The following UBAC2 variants were observed in gnomAD, a reference collection of about 807,000 sequenced individuals.
The protein encoded by UBAC2 is UBA domain containing 2, also known as ubiquitin-associated domain-containing protein 2.
In UBAC2, 26 loss-of-function variants were observed where a neutral mutation model predicts 44.0. The observed-to-expected ratio is 0.59, with a 90% CI of 0.43 to 0.82. The LOEUF is 0.82. UBAC2 is among the 40% of genes least tolerant of loss of function. The pLI is 0.00. For missense variants in UBAC2, 329 were observed against 419.4 expected (o/e 0.78, Z 1.88); for synonymous variants, 155 against 154.3 (o/e 1.00, Z -0.04).
chr13:99,254,796 G>T, intron 4 of UBAC2: 2 of 1,043,804 alleles, frequency 1.9e-6, no homozygotes, highest in Non-Finnish European at 2.8e-6. Context: ...GGACTTGATA[G>T]TATTATACAG....
chr13:99,311,913 C>T (rs970443757), intron 4 of UBAC2, among the ~76,000 whole-genome samples: 9 of 152,190 alleles, frequency 5.9e-5, no homozygotes, highest in South Asian at 2.1e-4. Context: ...CCCGCTGTGC[C>T]GTGCACCTCC....
chr13:99,347,496 C>T (rs964039866), intron 7 of UBAC2, among the ~76,000 whole-genome samples: 26 of 152,024 alleles, frequency 1.7e-4, no homozygotes, highest in African/African-American at 6.3e-4. Flanking sequence ...GACTGGCTGC[C>T]CTCATTCTGG....
At chr13:99,335,206 T>A (rs1594138722) in intron 6 of UBAC2, among the ~76,000 whole-genome samples, 1 of 152,360 alleles carries the variant, frequency 6.6e-6, no homozygotes, top group East Asian at 1.9e-4. Flanking sequence ...ATTTTGTACT[T>A]CATTCAAATC....
At chr13:99,340,683 T>A in intron 7 of UBAC2, 118 bp downstream of exon 7, 1 of 1,175,752 alleles carries the variant, frequency 8.5e-7, no homozygotes, top group Non-Finnish European at 1.2e-6. Flanking sequence ...TGCAAGTGGA[T>A]TTTGACATTT....
intron 6 of UBAC2, among the ~76,000 whole-genome samples, chr13:99,325,754 A>G (rs527618908): frequency 1.0e-3 from 152 of 152,242 alleles, no homozygotes; most frequent in African/African-American, 3.4e-3. Flanking sequence ...GAAATTGACT[A>G]TCTTATATAC....
intron 7 of UBAC2, among the ~76,000 whole-genome samples, chr13:99,358,106 A>G (rs561540320): frequency 3.7e-4 from 57 of 152,270 alleles, no homozygotes; most frequent in Non-Finnish European, 5.9e-4. Context: ...GCAGAGGAGT[A>G]CAGGGTGGTG....
Position 99,247,204 on chromosome 13 carries a change from T to TTG in UBAC2, c.389+2581_389+2582insGT, listed in dbSNP as rs1555322892. On this transcript the variant is annotated intron_variant, in intron 4 of 8. Coordinates refer to ENST00000403766, the MANE Select transcript of UBAC2 (RefSeq NM_001144072.2). ...AAGAGAGAAAACTACTGTTTTTTTT[T>TTG]TTTTGTTTTGTTTTGTTTTGTTTTT... Among the ~76,000 whole-genome samples, 344 of 95,570 alleles carry TTG rather than the reference T, an allele frequency of 3.6e-3. 1 individual carries two copies. The highest frequency in any genetic ancestry group is 8.8e-3 in the African/African-American group (318 of 35,992). The allele number at this position is 95,570 out of a possible 152,430, so 62.7% of individuals were successfully genotyped here. A position where few individuals can be genotyped will look rare whatever the true frequency, so the allele number is the denominator to read the frequency against.
intron 1 of UBAC2, among the ~76,000 whole-genome samples, chr13:99,208,295 C>T (rs1323529638): frequency 6.6e-6 from 1 of 152,190 alleles, no homozygotes; most frequent in Non-Finnish European, 1.5e-5. Flanking sequence ...CCATGCCCCA[C>T]CTTCACTGTC....
chr13:99,237,163 T>C (rs1315319112), intron 1 of UBAC2, among the ~76,000 whole-genome samples: 4 of 152,034 alleles, frequency 2.6e-5, no homozygotes, highest in African/African-American at 9.7e-5. Context: ...GCCTTCTTTG[T>C]TGTATACTTC....
At chr13:99,350,941 C>G (rs77720066) in intron 7 of UBAC2, among the ~76,000 whole-genome samples, 2,923 of 152,192 alleles carry the variant, frequency 0.019, 89 homozygotes, top group African/African-American at 0.059. Context: ...ATGAAGCCCC[C>G]CAGCACATCT....
chr13:99,255,446 C>T lies in UBAC2; in HGVS notation c.389+10822C>T, dbSNP rs370331461. 235 of 1,613,984 alleles carry T rather than the reference C, an allele frequency of 1.5e-4. 1 individual carries two copies. The highest frequency in any genetic ancestry group is 1.8e-4 in the Non-Finnish European group (214 of 1,180,030). On this transcript the variant is annotated intron_variant, in intron 4 of 8. Transcript: ENST00000403766. ...GTCAGGGTCATTATCCAGACTCCCA[C>T]ACACGCCAGCACGGCTTTGCACGTG...
At chr13:99,336,511 G>A (rs1407381983) in intron 6 of UBAC2, among the ~76,000 whole-genome samples, 1 of 152,082 alleles carries the variant, frequency 6.6e-6, no homozygotes, top group Non-Finnish European at 1.5e-5. Context: ...TTGGTGTCAG[G>A]AAGGGGCCCT....
chr13:99,255,271 A>C, intron 4 of UBAC2: 1 of 1,614,118 alleles, frequency 6.2e-7, no homozygotes, highest in Non-Finnish European at 8.5e-7. Context: ...AATCATGATG[A>C]ACAAAGGAAT....
chr13:99,325,098 C>CTTT (rs55672515), intron 6 of UBAC2, among the ~76,000 whole-genome samples: 180 of 86,110 alleles, frequency 2.1e-3, no homozygotes, highest in Non-Finnish European at 3.1e-3. Context: ...TGTCTATGCT[C>CTTT]TTTTTTTTTT....
intron 4 of UBAC2, among the ~76,000 whole-genome samples, chr13:99,279,142 C>A (rs2043921103): frequency 6.6e-6 from 1 of 152,132 alleles, no homozygotes; most frequent in African/African-American, 2.4e-5. Context: ...TCCTTTTCCC[C>A]CTTTTCTTAC....
intron 6 of UBAC2, among the ~76,000 whole-genome samples, chr13:99,336,121 T>C (rs1156378852): frequency 6.6e-6 from 1 of 152,232 alleles, no homozygotes; most frequent in Non-Finnish European, 1.5e-5. Context: ...TAAACATCTT[T>C]TCATGAGTTT....
chr13:99,255,005 A>T, intron 4 of UBAC2: 1 of 1,614,168 alleles, frequency 6.2e-7, no homozygotes, highest in Middle Eastern at 1.6e-4. Flanking sequence ...AATTGTTTTG[A>T]AACGATGTAG....
chr13:99,274,526 A>G (rs1462272345), intron 4 of UBAC2, among the ~76,000 whole-genome samples: 2 of 151,678 alleles, frequency 1.3e-5, no homozygotes, highest in East Asian at 1.9e-4. Flanking sequence ...AGGTCTTGCT[A>G]TGTTGCCCAG....
At chr13:99,335,909 C>G (rs369896954) in intron 6 of UBAC2, among the ~76,000 whole-genome samples, 1 of 151,794 alleles carries the variant, frequency 6.6e-6, no homozygotes, top group Non-Finnish European at 1.5e-5. Context: ...AATCCCAGCA[C>G]TTAGGGAGGC....
Sources: gnomAD v4.1 joint callset for allele counts (sites outside exome capture counted in the v4.1 genomes callset) on GRCh38, gnomAD v4.1.1 for gene constraint, MANE v1.5 for transcripts, NCBI Gene and HGNC (gene_info 2026-07-23, HGNC 2026-07-21) for gene names.